PDE8A: variants seen among roughly 807,000 people sequenced by gnomAD.
The protein encoded by PDE8A is phosphodiesterase 8A, also known as high affinity cAMP-specific and IBMX-insensitive 3',5'-cyclic phosphodiesterase 8A.
In PDE8A, 59 loss-of-function variants were observed where a neutral mutation model predicts 105.0. The ratio of observed to expected loss-of-function variants is 0.56; its 90% CI spans 0.46 to 0.70. The LOEUF (loss-of-function observed/expected upper bound fraction) is 0.70, where lower values mean the gene tolerates loss of function less well. Ranked by LOEUF, PDE8A falls within the 30% of genes least tolerant of loss-of-function variation. The pLI is 0.00. For synonymous variants in PDE8A, 355 were observed against 371.9 expected (o/e 0.95, Z 0.52); for missense variants, 1,014 against 1,045.9 (o/e 0.97, Z 0.42).
At chr15:85,094,857 C>T (rs2081716036) in intron 8 of PDE8A, among the ~76,000 whole-genome samples, 1 of 152,204 alleles carries the variant, frequency 6.6e-6, no homozygotes, top group African/African-American at 2.4e-5. Context: ...CCATACACTA[C>T]TGCCTGATTA....
chr15:85,093,814 A>G (rs1398771185), intron 8 of PDE8A, among the ~76,000 whole-genome samples: 2 of 151,222 alleles, frequency 1.3e-5, no homozygotes, highest in Non-Finnish European at 2.9e-5. Flanking sequence ...ATAGTCTCCC[A>G]TCTTCTCAGA....
intron 1 of PDE8A, among the ~76,000 whole-genome samples, chr15:85,029,914 G>C (rs1176875710): frequency 1.3e-5 from 2 of 152,188 alleles, no homozygotes; most frequent in African/African-American, 4.8e-5. Context: ...TTAACTGGGA[G>C]AAAGAAGTCT....
chr15:85,135,206 AGCTGGAAGTTCG>A (rs2082389822), intron 20 of PDE8A, among the ~76,000 whole-genome samples: 1 of 152,038 alleles, frequency 6.6e-6, no homozygotes, highest in Non-Finnish European at 1.5e-5. Flanking sequence ...GCCATTTGGG[AGCTGGAAGTTCG>A]GCTGTGAGTG....
At chr15:85,119,948 T>C (rs1446955347) in intron 17 of PDE8A, among the ~76,000 whole-genome samples, 1 of 151,982 alleles carries the variant, frequency 6.6e-6, no homozygotes, top group African/African-American at 2.4e-5. Flanking sequence ...AAAATGATAA[T>C]CCAGTGTGGC....
At position 85,117,624 on chromosome 15, in the gene PDE8A, G is replaced by GT. The variant is rs751639886; in HGVS notation, c.1536-11dup. ...GTTTGCTTTGTTCTAATATTGTGGG[G>GT]TTTTTTCTGTCTATAGGCCTTTGAT... On this transcript the variant is annotated splice_polypyrimidine_tract_variant and intron_variant, in intron 16 of 21. Coordinates refer to ENST00000394553, the MANE Select transcript of PDE8A (RefSeq NM_002605.3). The GT allele has an allele frequency of 2.3e-5, 37 of 1,610,096 alleles. No individual in the cohort carries two copies. The highest frequency in any genetic ancestry group is 6.7e-5 in the East Asian group (3 of 44,874).
Position 85,116,113 on chromosome 15 carries a change from A to C in PDE8A, c.1529A>C (p.His510Pro). The C allele has an allele frequency of 1.9e-6, 3 of 1,614,030 alleles. No homozygotes were observed. The highest frequency in any genetic ancestry group is 2.5e-6 in the Non-Finnish European group (3 of 1,179,926). The change falls in exon 16 of 22, where the codon CAC (histidine) becomes CCC (proline). Residue 510 changes from histidine (H) to proline (P), a missense_variant. By Grantham distance (77) the His-to-Pro change is moderately conservative. Transcript: ENST00000394553. Reference sequence around the variant, plus strand: ...ATTTTTGAACTGGAGGCTGCCACCCACAATAGGTGAGTTCATGCAGAGCTC... The same window carrying C: ...ATTTTTGAACTGGAGGCTGCCACCCCCAATAGGTGAGTTCATGCAGAGCTC... ...FDIFELEAAT[H>P]NRPLIYLGLK...
intron 5 of PDE8A, among the ~76,000 whole-genome samples, chr15:85,081,843 G>T (rs538200757): frequency 6.6e-6 from 1 of 152,054 alleles, no homozygotes; most frequent in Non-Finnish European, 1.5e-5. Context: ...TCTGCCTTTG[G>T]GGTAAAAAAG....
At position 85,092,561 on chromosome 15, in the gene PDE8A, A is replaced by G. The variant is rs16974827; in HGVS notation, c.852+1380A>G. Among the ~76,000 whole-genome samples, 1,169 of 152,124 alleles carry G rather than the reference A, an allele frequency of 7.7e-3. 18 individuals carry two copies. Among genetic ancestry groups the G allele is most frequent in the African/African-American group, 0.027 (1,102 of 41,474 alleles). ...TGGGGGTGTTACCATGACCACCTCA[A>G]TCCTGGCATTTAGGTTCCTTGCTGC... On this transcript the variant is annotated intron_variant, in intron 8 of 21. Coordinates refer to ENST00000394553, the MANE Select transcript of PDE8A (RefSeq NM_002605.3).
At chr15:84,993,421 C>A (rs371096139) in intron 1 of PDE8A, among the ~76,000 whole-genome samples, 2 of 116,468 alleles carry the variant, frequency 1.7e-5, no homozygotes, top group East Asian at 2.4e-4. Flanking sequence ...CCAGCCTGGG[C>A]GACAGAGCGA....
intron 14 of PDE8A, 68 bp from the exon 15 acceptor site, chr15:85,115,371 C>T: frequency 1.9e-6 from 2 of 1,036,072 alleles, no homozygotes; most frequent in Middle Eastern, 2.0e-4. Flanking sequence ...GGGAGGACCA[C>T]CTGGAGTTTC....
At chr15:85,083,321 T>A (rs4843018) in intron 5 of PDE8A, among the ~76,000 whole-genome samples, 61,769 of 146,528 alleles carry the variant, frequency 0.42, 12,923 homozygotes, top group East Asian at 0.63. Context: ...TTTTTTTTTT[T>A]AAAAAAATGA....
chr15:85,045,973 A>G (rs1389988281), intron 1 of PDE8A, among the ~76,000 whole-genome samples: 1 of 152,012 alleles, frequency 6.6e-6, no homozygotes, highest in African/African-American at 2.4e-5. Flanking sequence ...TTCTGTTTCT[A>G]ATAAAAGGAT....
intron 1 of PDE8A, among the ~76,000 whole-genome samples, chr15:85,061,390 C>T (rs1322885137): frequency 6.6e-6 from 1 of 151,944 alleles, no homozygotes; most frequent in African/African-American, 2.4e-5. Context: ...CCCGCCACCA[C>T]ACCCAGCTAA....
intron 6 of PDE8A, among the ~76,000 whole-genome samples, chr15:85,085,301 T>C (rs1485244642): frequency 6.6e-6 from 1 of 152,188 alleles, no homozygotes; most frequent in African/African-American, 2.4e-5. Flanking sequence ...AATGTGAGGC[T>C]AGAGAATTGG....
At chr15:85,029,853 A>G (rs1207660127) in intron 1 of PDE8A, among the ~76,000 whole-genome samples, 1 of 152,194 alleles carries the variant, frequency 6.6e-6, no homozygotes, top group South Asian at 2.1e-4. Flanking sequence ...CTGGAAGTCA[A>G]GTGTCACTCA....
chr15:85,086,896 G>C (rs2081561892), intron 6 of PDE8A, among the ~76,000 whole-genome samples: 5 of 151,988 alleles, frequency 3.3e-5, no homozygotes, highest in African/African-American at 1.2e-4. Context: ...TATTACAGAG[G>C]TATGTGCCAC....
chr15:85,009,971 A>G (rs2080214319), intron 1 of PDE8A, among the ~76,000 whole-genome samples: 1 of 152,248 alleles, frequency 6.6e-6, no homozygotes, highest in Non-Finnish European at 1.5e-5. Context: ...TACATGCAAC[A>G]CCATGCATGA....
At chr15:85,041,985 G>T (rs1046654803) in intron 1 of PDE8A, among the ~76,000 whole-genome samples, 1 of 151,948 alleles carries the variant, frequency 6.6e-6, no homozygotes, top group Non-Finnish European at 1.5e-5. Context: ...GTAAGCAAAT[G>T]ACTTCCTTGA....
chr15:84,998,666 A>G (rs1404197844), intron 1 of PDE8A, among the ~76,000 whole-genome samples: 1 of 152,184 alleles, frequency 6.6e-6, no homozygotes, highest in African/African-American at 2.4e-5. Context: ...TTACTTCCCT[A>G]ACATTTTTAG....
Sources: allele counts gnomAD v4.1 joint callset (sites outside exome capture counted in the v4.1 genomes callset), GRCh38; gene constraint gnomAD v4.1.1; transcripts MANE v1.5; gene names NCBI Gene and HGNC (gene_info 2026-07-23, HGNC 2026-07-21).